Variants in ADGRD2 observed in about 807,000 individuals in gnomAD.
The protein encoded by ADGRD2 is adhesion G protein-coupled receptor D2, also known as G protein-coupled receptor PGR24.
ADGRD2 carries 71 observed loss-of-function variants against 44.4 expected under a neutral mutation model. The observed-to-expected ratio is 1.60, with a 90% CI of 1.32 to 1.95. The LOEUF (loss-of-function observed/expected upper bound fraction) is 1.95. Among genes scored for constraint, ADGRD2 ranks in the 30% most tolerant of loss-of-function variants. The pLI, the probability that ADGRD2 is intolerant of heterozygous loss-of-function variation, is 0.00. For synonymous variants in ADGRD2, 481 were observed against 224.8 expected (o/e 2.14, Z -10.19); for missense variants, 1,039 against 512.4 (o/e 2.03, Z -9.92).
At chr9:124,455,039 C>A (rs1279431293) in exon 6 of ADGRD2, 9 of 718,170 alleles carry the variant, frequency 1.3e-5, no homozygotes, top group Non-Finnish European at 1.8e-5. Context: ...TTGACAGGCC[C>A]CTGGGAGCAG....
chr9:124,460,469 C>T (rs1831708313), intron 10 of ADGRD2, among the ~76,000 whole-genome samples: 1 of 150,996 alleles, frequency 6.6e-6, no homozygotes, highest in Non-Finnish European at 1.5e-5. Context: ...CTGCCTGCCT[C>T]GGCCTCCCAA....
chr9:124,453,147 G>T (rs1446819830), exon 3 of ADGRD2: 19 of 701,418 alleles, frequency 2.7e-5, no homozygotes, highest in Middle Eastern at 2.8e-4. Flanking sequence ...CTCACGTGCA[G>T]TGGGACTGTG....
In ADGRD2 at chr9:124,453,576, C is replaced by T. The variant is rs542304419; in HGVS notation, c.825C>T (p.Cys275=). ...CTCAGCTGCACCGGGCACGGGCCTG[C>T]GCGCCGCCCTCAGAGGGCCTGCTCT... The change falls in exon 3 of 22, where the codon TGC becomes TGT. Residue 275 remains cysteine (C), a synonymous_variant. Transcript: ENST00000334810. 2.9e-5 allele frequency: 20 copies of T among 699,050 alleles called. No individual in the cohort carries two copies. The Admixed American group carries it at 3.6e-4, about 13-fold the overall frequency. 43.3% of individuals were successfully genotyped at this position (699,050 alleles called of 1,614,324 possible). A position where few individuals can be genotyped will look rare whatever the true frequency, so the allele number is the denominator to read the frequency against.
chr9:124,452,004 TC>T, upstream of ADGRD2: 1 of 114,462 alleles, frequency 8.7e-6, no homozygotes, highest in Non-Finnish European at 1.8e-5. Flanking sequence ...AATGCCCCCC[TC>T]CCACCCACCC....
intron 19 of ADGRD2, 147 bp from the exon 23 acceptor site, chr9:124,476,210 C>G (rs1294429579): frequency 1.8e-6 from 1 of 552,224 alleles, no homozygotes; most frequent in Admixed American, 3.0e-5. Flanking sequence ...GTTCCCTTCC[C>G]TCTCTGGGCC....
chr9:124,457,755 G>T, intron 8 of ADGRD2, 149 bp downstream of exon 11: 1 of 554,654 alleles, frequency 1.8e-6, no homozygotes, highest in South Asian at 2.7e-5. Context: ...TGTGGCTTAT[G>T]AGGTTAAAAG....
chr9:124,450,518 A>G (rs1442749222), upstream of ADGRD2, among the ~76,000 whole-genome samples: 1 of 152,188 alleles, frequency 6.6e-6, no homozygotes. Context: ...CGGGTGAGGA[A>G]CTGGAGCTGG....
Position 124,452,229 on chromosome 9 carries a change from G to A in ADGRD2, c.68+71G>A. 3 of 653,600 alleles carry A rather than the reference G, an allele frequency of 4.6e-6. No homozygotes were observed. The South Asian group carries it at 5.2e-5, about 11-fold the overall frequency. 40.5% of individuals were successfully genotyped at this position (653,600 alleles called of 1,614,324 possible). ...AAGTCTGTGATCCAAGGGGTGCACT[G>A]GCCTAGAATGCAAAGGAGGGGAAGA... On this transcript the variant is annotated intron_variant, in intron 1 of 21. Coordinates refer to ENST00000334810, the Ensembl canonical transcript of ADGRD2.
chr9:124,461,811 G>A (rs1242472362), intron 10 of ADGRD2, among the ~76,000 whole-genome samples: 9 of 151,098 alleles, frequency 6.0e-5, no homozygotes, highest in South Asian at 2.1e-4. Flanking sequence ...ACAGTGGTAC[G>A]ATCTCGGCTC....
At position 124,469,174 on chromosome 9, in the gene ADGRD2, G is replaced by A. The variant is rs1287995992; in HGVS notation, c.2388-48G>A. On this transcript the variant is annotated intron_variant, in intron 14 of 21. Transcript: ENST00000334810. ...GGGGGCGGATCCTGGGTCCTGGAGA[G>A]GAAAAAGCAGGTGACCCAGCCTTGA... 3 of 681,646 alleles carry A rather than the reference G, an allele frequency of 4.4e-6. No homozygotes were observed. The Admixed American group carries it at 6.2e-5, about 14-fold the overall frequency. The allele number at this position is 681,646 out of a possible 1,614,324, so 42.2% of individuals were successfully genotyped here.
chr9:124,464,324 C>T (rs1352990652), intron 10 of ADGRD2, among the ~76,000 whole-genome samples: 1 of 152,142 alleles, frequency 6.6e-6, no homozygotes, highest in Non-Finnish European at 1.5e-5. Flanking sequence ...AAGCTGTTTT[C>T]TGGGCACATA....
In ADGRD2 at chr9:124,454,943, C is replaced by T. The variant is rs1831586255; in HGVS notation, c.1211C>T (p.Ala404Val). 1.4e-6 allele frequency: 1 copy of T among 717,642 alleles called. No homozygotes were observed. Among genetic ancestry groups the T allele is most frequent in the Non-Finnish European group, 2.6e-6 (1 of 385,086 alleles). The allele number at this position is 717,642 out of a possible 1,614,324, so 44.5% of individuals were successfully genotyped here. ...GAGCATGTCCTGGCGATGGAGATGG[C>T]TCCCCTGGGGCCGGCCGCACTGCTG... Residue 404 changes from alanine to valine, a missense_variant, in exon 6 of 22, where the codon GCT becomes GTT. Transcript: ENST00000334810. This position sits in a 1 kb window ranked among gnomAD's most constrained non-coding sequence, Gnocchi z 4.5.
intron 11 of ADGRD2, 135 bp downstream of exon 14, chr9:124,466,548 A>G: frequency 7.8e-6 from 4 of 514,140 alleles, no homozygotes; most frequent in South Asian, 3.3e-5. Context: ...GGCTGCATGC[A>G]GTAGTTCATG....
chr9:124,457,674 G>C, intron 8 of ADGRD2, 68 bp downstream of exon 11: 1 of 545,978 alleles, frequency 1.8e-6, no homozygotes, highest in Middle Eastern at 2.7e-4. Context: ...TCTAACTGTC[G>C]CTAGCTGTGC....
chr9:124,459,266 C>A (rs1014979976), intron 10 of ADGRD2, among the ~76,000 whole-genome samples: 6 of 152,088 alleles, frequency 3.9e-5, no homozygotes, highest in Non-Finnish European at 8.8e-5. Context: ...CCGAGGCGGG[C>A]GGATCACTTG....
At chr9:124,459,806 C>CA (rs1831693326) in intron 10 of ADGRD2, among the ~76,000 whole-genome samples, 1 of 109,198 alleles carries the variant, frequency 9.2e-6, no homozygotes, top group African/African-American at 3.5e-5. Context: ...ATGCAAATAC[C>CA]ATGCCATTTT....
chr9:124,475,950 C>T (rs776911016), intron 19 of ADGRD2, among the ~76,000 whole-genome samples: 2 of 152,204 alleles, frequency 1.3e-5, no homozygotes, highest in Non-Finnish European at 2.9e-5. Flanking sequence ...TGCAGCCCTG[C>T]GGCTTGAGCA....
chr9:124,467,627 G>A (rs1017937824), intron 11 of ADGRD2, 94 bp from the exon 15 acceptor site: 5 of 681,554 alleles, frequency 7.3e-6, no homozygotes, highest in East Asian at 2.7e-5. Flanking sequence ...AGGCGAATGC[G>A]GCGTGGGGGG....
At chr9:124,463,312 C>G (rs1021547039) in intron 10 of ADGRD2, among the ~76,000 whole-genome samples, 2 of 152,120 alleles carry the variant, frequency 1.3e-5, no homozygotes, top group African/African-American at 4.8e-5. Flanking sequence ...GTTAAACCAA[C>G]CTTGGATTCC....
Sources: allele counts gnomAD v4.1 joint callset (sites outside exome capture counted in the v4.1 genomes callset), GRCh38; gene constraint gnomAD v4.1.1; non-coding constraint Gnocchi (gnomAD v3.1); transcripts MANE v1.5; gene names NCBI Gene and HGNC (gene_info 2026-07-23, HGNC 2026-07-21).